The following CFAP54 variants were observed in gnomAD, a reference collection of about 807,000 sequenced individuals.
CFAP54 encodes cilia and flagella associated protein 54, also known as cilia- and flagella-associated protein 54.
In CFAP54, 290 loss-of-function variants were observed where a neutral mutation model predicts 370.4. That is an observed-to-expected ratio of 0.78 (90% CI 0.71 to 0.86). CFAP54 has a LOEUF of 0.86. Among genes scored for constraint, CFAP54 ranks in the 40% least tolerant of loss-of-function variants. CFAP54 has a pLI of 0.00. For missense variants in CFAP54, 3,399 were observed against 3,528.7 expected (o/e 0.96, Z 0.93); for synonymous variants, 1,206 against 1,236.5 (o/e 0.98, Z 0.52).
intron 6 of CFAP54, among the ~76,000 whole-genome samples, chr12:96,519,772 T>G (rs1165090984): frequency 6.6e-6 from 1 of 152,242 alleles, no homozygotes; most frequent in African/African-American, 2.4e-5. Context: ...CATACCTTTT[T>G]CTTGTAGTGA....
In CFAP54 at chr12:96,621,728, GT is replaced by G; in HGVS notation, c.3771+12del. 1 of 1,517,270 alleles carries G rather than the reference GT, an allele frequency of 6.6e-7. No homozygotes were observed. Among genetic ancestry groups the G allele is most frequent in the Non-Finnish European group, 8.8e-7 (1 of 1,137,638 alleles). The allele number at this position is 1,517,270 out of a possible 1,614,324, so 94.0% of individuals were successfully genotyped here. A position where few individuals can be genotyped will look rare whatever the true frequency, so the allele number is the denominator to read the frequency against. On this transcript the variant is annotated splice_region_variant and intron_variant, in intron 27 of 67. Coordinates refer to ENST00000524981, the MANE Select transcript of CFAP54 (RefSeq NM_001306084.2). ...AGAAGAAATGCCAGAGGAGGTAATT[GT>G]TTTTGTTTCTCATTTTTAAACCTAC...
At chr12:96,635,554 C>T (rs866521935) in intron 32 of CFAP54, among the ~76,000 whole-genome samples, 37 of 152,210 alleles carry the variant, frequency 2.4e-4, no homozygotes, top group Middle Eastern at 6.8e-3. Context: ...AACTATAGTA[C>T]AAAAAGACAA....
intron 63 of CFAP54, among the ~76,000 whole-genome samples, chr12:96,801,163 G>T (rs148605763): frequency 1.3e-5 from 2 of 152,304 alleles, no homozygotes; most frequent in East Asian, 3.9e-4. Context: ...GGTGGCAGCA[G>T]AGTTGAAATC....
chr12:96,797,423 A>G (rs575484154), intron 63 of CFAP54, among the ~76,000 whole-genome samples: 2 of 152,172 alleles, frequency 1.3e-5, no homozygotes, highest in South Asian at 4.1e-4. Context: ...TAAGAGAAGT[A>G]TGTTTAAATC....
chr12:96,630,777 C>G (rs1041378200), intron 32 of CFAP54, 126 bp downstream of exon 32: 116 of 456,216 alleles, frequency 2.5e-4, no homozygotes, highest in Admixed American at 3.4e-4. Flanking sequence ...AAGGAACTTA[C>G]ATACTAATGA....
In CFAP54 at chr12:96,554,414, C is replaced by T. The variant is rs953609089; in HGVS notation, c.2283+104C>T. The stretch of plus-strand genomic sequence containing the variant: ...AAGCATGACTTGTGTTGGCTTACCT[C>T]TCATAGGCCAGAAATATATTTCCCT... On this transcript the variant is annotated intron_variant, in intron 16 of 67. Coordinates refer to ENST00000524981, the MANE Select transcript of CFAP54 (RefSeq NM_001306084.2). 3.8e-6 allele frequency: 5 copies of T among 1,314,616 alleles called. No homozygotes were observed. In the Admixed American group the frequency reaches 9.7e-5, roughly 25 times the overall value. 81.4% of individuals were successfully genotyped at this position (1,314,616 alleles called of 1,614,324 possible).
rs973736223 is a variant in CFAP54, at chr12:96,554,734, T to C, written c.2342T>C (p.Met781Thr). The C allele has an allele frequency of 2.0e-6, 3 of 1,535,100 alleles. No individual in the cohort carries two copies. The highest frequency in any genetic ancestry group is 2.6e-6 in the Non-Finnish European group (3 of 1,146,276). The change falls in exon 17 of 68, where the codon ATG becomes ACG. Residue 781 changes from methionine (M) to threonine (T), a missense_variant. Met to Thr is a moderately conservative substitution (Grantham distance 81). Around this residue, in one of 3 missense-constraint regions of CFAP54, gnomAD observed 2,796 missense variants for 2,869.7 expected, o/e 0.97. Transcript: ENST00000524981. Reference protein sequence around the residue: ...YKPLASNSFMMDLHLELIQAQ... With the variant: ...YKPLASNSFMTDLHLELIQAQ... ...CCACTTGCCTCAAATAGTTTCATGA[T>C]GGATTTGCATCTTGAACTAATTCAA...
At chr12:96,765,714 A>C (rs1187275489) in intron 60 of CFAP54, among the ~76,000 whole-genome samples, 1 of 152,272 alleles carries the variant, frequency 6.6e-6, no homozygotes, top group East Asian at 1.9e-4. Flanking sequence ...CAAATTGCAC[A>C]GTGCTTGCAC....
At chr12:96,499,508 T>TTGCTGGTGGGAA (rs1354386892) in intron 1 of CFAP54, among the ~76,000 whole-genome samples, 1 of 152,186 alleles carries the variant, frequency 6.6e-6, no homozygotes, top group Non-Finnish European at 1.5e-5. Context: ...CTCTCATTGA[T>TTGCTGGTGGGAA]TGCTGGTGGG....
At chr12:96,823,168 A>G (rs1197462436) in intron 65 of CFAP54, among the ~76,000 whole-genome samples, 1 of 151,936 alleles carries the variant, frequency 6.6e-6, no homozygotes, top group East Asian at 1.9e-4. Flanking sequence ...TGAGAGAGAA[A>G]GTTGAGCTAG....
At chr12:96,631,181 A>T (rs1479242770) in intron 32 of CFAP54, among the ~76,000 whole-genome samples, 2 of 151,958 alleles carry the variant, frequency 1.3e-5, no homozygotes, top group African/African-American at 2.4e-5. Flanking sequence ...TTTTATTTGC[A>T]TTTGCCTACT....
intron 58 of CFAP54, among the ~76,000 whole-genome samples, chr12:96,763,315 C>G (rs1293681970): frequency 6.6e-6 from 1 of 152,006 alleles, no homozygotes; most frequent in African/African-American, 2.4e-5. Context: ...GTTTGTTTTG[C>G]TATTCTATGG....
intron 50 of CFAP54, 108 bp from the exon 51 acceptor site, chr12:96,739,845 GGTT>G (rs577196110): frequency 1.7e-4 from 106 of 628,648 alleles, no homozygotes; most frequent in African/African-American, 1.7e-3. Flanking sequence ...CAGTTTTGGG[GGTT>G]GTTGGCTGGG....
At chr12:96,781,320 G>A (rs1296638491) in intron 60 of CFAP54, among the ~76,000 whole-genome samples, 1 of 152,106 alleles carries the variant, frequency 6.6e-6, no homozygotes, top group Admixed American at 6.5e-5. Context: ...CAAATAAGAA[G>A]CGAATTGGAA....
intron 39 of CFAP54, among the ~76,000 whole-genome samples, chr12:96,670,675 G>A (rs1169232013): frequency 6.6e-6 from 1 of 152,178 alleles, no homozygotes; most frequent in Non-Finnish European, 1.5e-5. Context: ...AAATGTAACA[G>A]GAGAGTAGTA....
At chr12:96,821,537 T>C (rs1959034720) in intron 65 of CFAP54, among the ~76,000 whole-genome samples, 1 of 152,172 alleles carries the variant, frequency 6.6e-6, no homozygotes, top group African/African-American at 2.4e-5. Flanking sequence ...TTAGATATTT[T>C]CTGGCTCCGT....
chr12:96,839,067 T>C (rs1959195986), intron 66 of CFAP54, among the ~76,000 whole-genome samples: 1 of 152,182 alleles, frequency 6.6e-6, no homozygotes, highest in Non-Finnish European at 1.5e-5. Context: ...GAGAGAGAGT[T>C]AGAACCCGGA....
intron 5 of CFAP54, among the ~76,000 whole-genome samples, chr12:96,513,470 G>A (rs1226636877): frequency 6.6e-6 from 1 of 152,220 alleles, no homozygotes; most frequent in East Asian, 1.9e-4. Flanking sequence ...GCCGGGTGCA[G>A]TAGCTTACAC....
rs191581318 is a variant in CFAP54, at chr12:96,608,643, G to A, written c.3639+9876G>A. 2.0e-5 allele frequency among the ~76,000 whole-genome samples: 3 copies of A among 151,952 alleles called. No homozygotes were observed. The East Asian group carries it at 5.8e-4, about 29-fold the overall frequency. Reference sequence around the variant, plus strand: ...CGCCCGCTTAGTTTTTGTATTTTTAGTAGAGACTGGGTTTCACCATGTGGT... The same window carrying A: ...CGCCCGCTTAGTTTTTGTATTTTTAATAGAGACTGGGTTTCACCATGTGGT... On this transcript the variant is annotated intron_variant, in intron 26 of 67. Transcript: ENST00000524981.
Sources: allele counts gnomAD v4.1 joint callset (sites outside exome capture counted in the v4.1 genomes callset), GRCh38; gene constraint gnomAD v4.1.1; regional missense constraint gnomAD v4.1.1; transcripts MANE v1.5; gene names NCBI Gene and HGNC (gene_info 2026-07-23, HGNC 2026-07-21).